Variants in CCDC171 observed in about 807,000 individuals in gnomAD.
CCDC171 encodes coiled-coil domain containing 171.
In CCDC171, 177 loss-of-function variants were observed where a neutral mutation model predicts 168.2. The observed-to-expected ratio is 1.05, with a 90% CI of 0.93 to 1.19. The LOEUF is 1.19. Ranked by LOEUF, CCDC171 falls within the 50% of genes most tolerant of loss-of-function variation. The pLI is 0.00. For missense variants in CCDC171, 1,991 were observed against 1,539.0 expected (o/e 1.29, Z -4.91); for synonymous variants, 687 against 540.8 (o/e 1.27, Z -3.75).
intron 6 of CCDC171, among the ~76,000 whole-genome samples, chr9:16,029,452 C>G (rs148321198): frequency 2.0e-5 from 3 of 152,290 alleles, no homozygotes; most frequent in East Asian, 1.9e-4. Context: ...GAGGGCTGTG[C>G]TGACAAAAGC....
At chr9:15,563,153 T>C (rs1393662044) in intron 1 of CCDC171, among the ~76,000 whole-genome samples, 2 of 151,884 alleles carry the variant, frequency 1.3e-5, no homozygotes, top group Non-Finnish European at 2.9e-5. Flanking sequence ...TTTTTTTTTT[T>C]TTGACACGGA....
chr9:15,847,630 C>T (rs966562734), intron 22 of CCDC171, among the ~76,000 whole-genome samples: 4 of 151,940 alleles, frequency 2.6e-5, no homozygotes, highest in East Asian at 1.9e-4. Flanking sequence ...TTTTGATAAA[C>T]GCAGTGTTTT....
intron 21 of CCDC171, among the ~76,000 whole-genome samples, chr9:15,810,595 G>T (rs536211554): frequency 6.6e-6 from 1 of 152,166 alleles, no homozygotes; most frequent in Non-Finnish European, 1.5e-5. Flanking sequence ...CGGTGCGGGC[G>T]GGCCGGCAGT....
Position 15,623,467 on chromosome 9 carries a change from G to GCGCGCGCGCGCGCGCGCGCGCA in CCDC171, c.822+63_822+64insGCGCGCGCGCGCACGCGCGCGC. ...TATGCGTACAAACTTTCACATATGC[G>GCGCGCGCGCGCGCGCGCGCGCA]CGCGCGCGCACACACACACACACAC... On this transcript the variant is annotated intron_variant, in intron 7 of 25. Transcript: ENST00000380701. 5.1e-6 allele frequency: 3 copies of GCGCGCGCGCGCGCGCGCGCGCA among 587,398 alleles called. No individual in the cohort carries two copies. In the South Asian group the frequency reaches 6.2e-5, roughly 12 times the overall value. The allele number at this position is 587,398 out of a possible 1,614,324, so 36.4% of individuals were successfully genotyped here.
At chr9:16,041,074 T>C (rs1833564243), upstream of CCDC171, among the ~76,000 whole-genome samples, 1 of 152,164 alleles carries the variant, frequency 6.6e-6, no homozygotes, top group African/African-American at 2.4e-5. Context: ...TGCCCAACAT[T>C]AAAATATGAC....
At chr9:15,935,549 A>T (rs1294961710) in intron 25 of CCDC171, among the ~76,000 whole-genome samples, 1 of 152,050 alleles carries the variant, frequency 6.6e-6, no homozygotes, top group Non-Finnish European at 1.5e-5. Context: ...CTAAATTTAT[A>T]ATAAAATTAT....
chr9:15,769,156 C>T (rs973388267), intron 18 of CCDC171, among the ~76,000 whole-genome samples: 2 of 152,182 alleles, frequency 1.3e-5, no homozygotes, highest in African/African-American at 4.8e-5. Context: ...AATAACATTG[C>T]AGTTTCTGTC....
intron 24 of CCDC171, among the ~76,000 whole-genome samples, chr9:15,889,253 A>G (rs1589007386): frequency 6.6e-6 from 1 of 151,998 alleles, no homozygotes; most frequent in Non-Finnish European, 1.5e-5. Context: ...CATTTCTAAA[A>G]TAGGAAAAAT....
chr9:15,707,868 G>T, intron 11 of CCDC171, among the ~76,000 whole-genome samples: 1 of 152,206 alleles, frequency 6.6e-6, no homozygotes, highest in East Asian at 1.9e-4. Flanking sequence ...ATTATTTTGA[G>T]ATGGAGTCTT....
intron 4 of CCDC171, chr9:16,020,881 A>C (rs2133020181): frequency 6.6e-6 from 1 of 152,340 alleles, no homozygotes; most frequent in African/African-American, 2.4e-5. Flanking sequence ...AGTAATTGAA[A>C]CCTCAGAAAG....
the CCDC171 span, among the ~76,000 whole-genome samples, chr9:16,067,395 T>C: frequency 6.6e-6 from 1 of 152,210 alleles, no homozygotes; most frequent in Non-Finnish European, 1.5e-5. Flanking sequence ...GCGAAAATTG[T>C]CTCCCATTTT....
chr9:15,847,108 A>C (rs1381380729), intron 22 of CCDC171, among the ~76,000 whole-genome samples: 2 of 152,114 alleles, frequency 1.3e-5, no homozygotes, highest in African/African-American at 4.8e-5. Flanking sequence ...ACAGTGTTAC[A>C]TGTTAGAAAC....
chr9:16,036,472 G>T (rs1024750880), intron 8 of CCDC171, among the ~76,000 whole-genome samples: 1 of 152,098 alleles, frequency 6.6e-6, no homozygotes, highest in Non-Finnish European at 1.5e-5. Context: ...GTGAAACCCC[G>T]TCTCTCCTAA....
intron 24 of CCDC171, among the ~76,000 whole-genome samples, chr9:15,898,654 C>T (rs961813990): frequency 6.6e-6 from 1 of 152,102 alleles, no homozygotes; most frequent in Non-Finnish European, 1.5e-5. Context: ...ATTTGTATAT[C>T]TTCCCTTTTA....
chr9:15,921,758 A>G (rs1231605533), intron 25 of CCDC171, among the ~76,000 whole-genome samples: 4 of 151,632 alleles, frequency 2.6e-5, no homozygotes, highest in African/African-American at 9.7e-5. Flanking sequence ...AGAAATTAAA[A>G]TGAAGAGGAA....
At chr9:16,015,702 T>C (rs1344637534) in intron 3 of CCDC171, among the ~76,000 whole-genome samples, 1 of 152,192 alleles carries the variant, frequency 6.6e-6, no homozygotes, top group African/African-American at 2.4e-5. Flanking sequence ...ATTCGTATTG[T>C]TATGTAACCA....
At chr9:15,660,514 T>C (rs1458310662) in intron 8 of CCDC171, among the ~76,000 whole-genome samples, 2 of 152,164 alleles carry the variant, frequency 1.3e-5, no homozygotes, top group African/African-American at 4.8e-5. Context: ...ATTGCTGTCG[T>C]CTTTATGTCC....
At chr9:15,955,089 T>G (rs1365606470) in intron 25 of CCDC171, among the ~76,000 whole-genome samples, 2 of 151,974 alleles carry the variant, frequency 1.3e-5, no homozygotes, top group Non-Finnish European at 2.9e-5. Flanking sequence ...TTCCCTAGGG[T>G]TTTCTGATTT....
intron 9 of CCDC171, among the ~76,000 whole-genome samples, chr9:15,673,989 T>A (rs983054299): frequency 2.0e-5 from 3 of 152,182 alleles, no homozygotes; most frequent in Admixed American, 6.5e-5. Context: ...GGGCTTTTTT[T>A]TGGTTGAGAG....
Sources: gnomAD v4.1 joint callset for allele counts (sites outside exome capture counted in the v4.1 genomes callset) on GRCh38, gnomAD v4.1.1 for gene constraint, MANE v1.5 for transcripts, NCBI Gene and HGNC (gene_info 2026-07-23, HGNC 2026-07-21) for gene names.